The following ZZEF1 variants were observed in gnomAD, a reference collection of about 807,000 sequenced individuals.
ZZEF1 encodes zinc finger ZZ-type and EF-hand domain containing 1.
In ZZEF1, 157 loss-of-function variants were observed where a neutral mutation model predicts 342.8. That is an observed-to-expected ratio of 0.46 (90% CI 0.40 to 0.52). The LOEUF (loss-of-function observed/expected upper bound fraction) is 0.52, where lower values mean the gene tolerates loss of function less well. Ranked by LOEUF, ZZEF1 falls within the 20% of genes least tolerant of loss-of-function variation. ZZEF1 has a pLI of 0.00. For missense variants in ZZEF1, 3,480 were observed against 3,725.6 expected (o/e 0.93, Z 1.72); for synonymous variants, 1,505 against 1,429.1 (o/e 1.05, Z -1.20).
At chr17:4,025,677 G>A (rs564745983) in intron 42 of ZZEF1, among the ~76,000 whole-genome samples, 10 of 115,718 alleles carry the variant, frequency 8.6e-5, no homozygotes, top group East Asian at 2.2e-4. Context: ...GTCAGACTCC[G>A]TCTCAAAAAA....
At chr17:4,044,461 T>C in intron 37 of ZZEF1, 87 bp from the exon 38 acceptor site, 1 of 1,282,350 alleles carries the variant, frequency 7.8e-7, no homozygotes, top group South Asian at 1.5e-5. Context: ...GATTAGCCAG[T>C]CTTCATAGAC....
chr17:4,082,897 T>C lies in ZZEF1; in HGVS notation c.2647-393A>G, dbSNP rs573010322. Reference sequence around the variant, plus strand: ...TTCAAGCAATTCTCCTGCCTCAGCCTCCCAAGCATCTAGGATTACAGGAGC... The same window carrying C: ...TTCAAGCAATTCTCCTGCCTCAGCCCCCCAAGCATCTAGGATTACAGGAGC... On this transcript the variant is annotated intron_variant, in intron 16 of 54. Coordinates refer to ENST00000381638, the MANE Select transcript of ZZEF1 (RefSeq NM_015113.4). 1.0e-3 allele frequency among the ~76,000 whole-genome samples: 159 copies of C among 152,284 alleles called. 1 individual carries two copies. The highest frequency in any genetic ancestry group is 1.8e-3 in the Non-Finnish European group (122 of 68,016).
At chr17:4,105,217 T>C (rs2058191543) in intron 7 of ZZEF1, among the ~76,000 whole-genome samples, 1 of 152,208 alleles carries the variant, frequency 6.6e-6, no homozygotes, top group South Asian at 2.1e-4. Flanking sequence ...AAAAACTGTC[T>C]AGATGGCTCA....
chr17:4,112,901 T>C (rs1015444361), intron 4 of ZZEF1, 93 bp from the exon 5 acceptor site: 9 of 1,151,428 alleles, frequency 7.8e-6, no homozygotes, highest in East Asian at 2.6e-5. Flanking sequence ...TTACATTTGA[T>C]ATATCCAAAG....
chr17:4,072,909 G>C (rs2057538990), intron 24 of ZZEF1, 153 bp from the exon 25 acceptor site: 1 of 719,448 alleles, frequency 1.4e-6, no homozygotes, highest in Non-Finnish European at 2.2e-6. Flanking sequence ...GTGATACTTT[G>C]TAAACACATA....
At chr17:4,071,894 T>G (rs2057516896) in intron 25 of ZZEF1, among the ~76,000 whole-genome samples, 1 of 151,984 alleles carries the variant, frequency 6.6e-6, no homozygotes, top group Admixed American at 6.6e-5. Context: ...GTGGAGAGGA[T>G]GAAGTCTTGG....
chr17:4,009,653 A>G lies in ZZEF1; in HGVS notation c.8684T>C (p.Leu2895Pro), dbSNP rs763492977. ...DVTQPGILLPLHRALTELFFV... is the reference protein window; with the variant it reads ...DVTQPGILLPPHRALTELFFV... ...GAAGAGCTCAGTGAGGGCACGATGC[A>G]GGGGAAGGAGGATGCCGGGCTGCGT... is the stretch of plus-strand genomic sequence containing the variant. Residue 2895 changes from leucine (L) to proline (P), a missense_variant, in exon 53 of 55, where the codon CTG becomes CCG. Coordinates refer to ENST00000381638, the MANE Select transcript of ZZEF1 (RefSeq NM_015113.4). 3.1e-6 allele frequency: 5 copies of G among 1,614,036 alleles called. No individual in the cohort carries two copies. Among genetic ancestry groups the G allele is most frequent in the South Asian group, 2.2e-5 (2 of 91,076 alleles).
intron 7 of ZZEF1, among the ~76,000 whole-genome samples, chr17:4,105,188 C>T (rs1448618391): frequency 1.3e-5 from 2 of 152,172 alleles, no homozygotes; most frequent in East Asian, 3.8e-4. Context: ...TTAATTTAAA[C>T]ACATTATACT....
intron 1 of ZZEF1, among the ~76,000 whole-genome samples, chr17:4,127,728 G>A (rs192338209): frequency 2.9e-4 from 44 of 152,308 alleles, no homozygotes; most frequent in Non-Finnish European, 5.1e-4. Flanking sequence ...GGACACTGAT[G>A]TTTACTTGCT....
chr17:4,062,439 A>G (rs1354848230), intron 30 of ZZEF1, among the ~76,000 whole-genome samples: 2 of 151,812 alleles, frequency 1.3e-5, no homozygotes, highest in Non-Finnish European at 2.9e-5. Context: ...ACTCAGATTA[A>G]TATCTTTTCT....
intron 18 of ZZEF1, among the ~76,000 whole-genome samples, chr17:4,078,459 G>A (rs994930456): frequency 6.6e-6 from 1 of 152,138 alleles, no homozygotes; most frequent in Non-Finnish European, 1.5e-5. Context: ...TTTCTTTGAA[G>A]GGTTATCTGA....
chr17:4,074,823 A>G (rs1166766336), intron 23 of ZZEF1, among the ~76,000 whole-genome samples: 1 of 152,252 alleles, frequency 6.6e-6, no homozygotes, highest in East Asian at 1.9e-4. Context: ...CATTTACTCT[A>G]GACAACGCTG....
rs1259603843 is a variant in ZZEF1, at chr17:4,050,808, A to G, written c.5836T>C (p.Cys1946Arg). 3 of 1,614,000 alleles carry G rather than the reference A, an allele frequency of 1.9e-6. No individual in the cohort carries two copies. The highest frequency in any genetic ancestry group is 1.7e-5 in the Admixed American group (1 of 60,004). ...TTTCCCTGATGAGCCTTCATCAGACAGTCCCCGACGAGCTGCATGCACTGG... is the reference window on the plus strand; with the variant it reads ...TTTCCCTGATGAGCCTTCATCAGACGGTCCCCGACGAGCTGCATGCACTGG... ...RSQCMQLVGD[C>R]LMKAHQGKGL... Residue 1946 changes from cysteine to arginine, a missense_variant, in exon 36 of 55, where the codon TGT becomes CGT. Cys to Arg is a radical substitution (Grantham distance 180, BLOSUM62 -3). This residue lies in a region of ZZEF1 where 1,269 missense variants were observed against 1,342.4 expected (regional missense o/e 0.95). Coordinates refer to ENST00000381638, the MANE Select transcript of ZZEF1 (RefSeq NM_015113.4).
At chr17:4,102,500 T>C in intron 8 of ZZEF1, 85 bp from the exon 9 acceptor site, 1 of 1,171,178 alleles carries the variant, frequency 8.5e-7, no homozygotes, top group Non-Finnish European at 1.3e-6. Context: ...AATAGAGTCC[T>C]GTGGCTACCC....
chr17:4,081,586 G>C, intron 17 of ZZEF1, 96 bp from the exon 18 acceptor site: 2 of 1,050,752 alleles, frequency 1.9e-6, no homozygotes, highest in Non-Finnish European at 2.8e-6. Context: ...AAAGGTTTCA[G>C]TGTCATTTCC....
chr17:4,124,609 A>T (rs1021393568), intron 1 of ZZEF1, among the ~76,000 whole-genome samples: 1 of 126,778 alleles, frequency 7.9e-6, no homozygotes, highest in African/African-American at 2.8e-5. Flanking sequence ...CGCCAAGCTG[A>T]TTTTTTTTTT....
chr17:4,075,253 G>C lies in ZZEF1; in HGVS notation c.3401+10C>G, dbSNP rs771880696. The C allele has an allele frequency of 8.1e-6, 13 of 1,613,972 alleles. No homozygotes were observed. The highest frequency in any genetic ancestry group is 1.1e-5 in the South Asian group (1 of 91,082). ...TAGCGCTTGGGGGTGAAAGAATATA[G>C]AAGTCTTACCTTTTTTCAGTTTCAC... On this transcript the variant is annotated intron_variant, in intron 22 of 54. Transcript: ENST00000381638.
At chr17:4,070,190 T>C (rs751998702) in intron 26 of ZZEF1, among the ~76,000 whole-genome samples, 2 of 152,202 alleles carry the variant, frequency 1.3e-5, no homozygotes, top group Non-Finnish European at 2.9e-5. Context: ...CTAAAGGTAA[T>C]AGTTAATACC....
intron 17 of ZZEF1, 122 bp downstream of exon 17, chr17:4,082,315 G>A (rs752966721): frequency 1.4e-5 from 12 of 870,598 alleles, no homozygotes; most frequent in Admixed American, 7.0e-5. Flanking sequence ...ACAGAAACTC[G>A]GCTTTCTAAC....
Sources: allele counts gnomAD v4.1 joint callset (sites outside exome capture counted in the v4.1 genomes callset), GRCh38; gene constraint gnomAD v4.1.1; regional missense constraint gnomAD v4.1.1; transcripts MANE v1.5; gene names NCBI Gene and HGNC (gene_info 2026-07-23, HGNC 2026-07-21).